DNAAF9: variants seen among roughly 807,000 people sequenced by gnomAD.
DNAAF9 encodes the protein shulin.
DNAAF9 carries 90 observed loss-of-function variants against 167.0 expected under a neutral mutation model. The observed-to-expected ratio is 0.54, with a 90% CI of 0.45 to 0.64. The LOEUF (loss-of-function observed/expected upper bound fraction) is 0.64, where lower values mean the gene tolerates loss of function less well. DNAAF9 is among the 30% of genes least tolerant of loss of function. The pLI is 0.00. For synonymous variants in DNAAF9, 491 were observed against 508.8 expected (o/e 0.96, Z 0.47); for missense variants, 1,315 against 1,442.2 (o/e 0.91, Z 1.43).
intron 9 of DNAAF9, among the ~76,000 whole-genome samples, chr20:3,341,341 TC>T (rs11087579): frequency 0.25 from 37,991 of 151,848 alleles, 5,359 homozygotes; most frequent in African/African-American, 0.37. Flanking sequence ...CTTGACTCCC[TC>T]CCACCCTCCA....
At chr20:3,270,085 C>A (rs1213369092) in intron 30 of DNAAF9, among the ~76,000 whole-genome samples, 1 of 151,244 alleles carries the variant, frequency 6.6e-6, no homozygotes, top group Non-Finnish European at 1.5e-5. Flanking sequence ...CCTCCCACCT[C>A]AGCCACCCAA....
intron 29 of DNAAF9, among the ~76,000 whole-genome samples, chr20:3,278,675 C>T (rs1169551813): frequency 2.0e-5 from 3 of 152,052 alleles, no homozygotes; most frequent in Non-Finnish European, 4.4e-5. Context: ...GCCGAGACCA[C>T]GCTATTGCAC....
chr20:3,356,371 G>C (rs940844773), intron 7 of DNAAF9, among the ~76,000 whole-genome samples: 10 of 152,122 alleles, frequency 6.6e-5, no homozygotes, highest in African/African-American at 1.7e-4. Context: ...AAATAGCTCT[G>C]AAACTATATT....
At chr20:3,313,348 C>T (rs1192035584) in intron 20 of DNAAF9, among the ~76,000 whole-genome samples, 1 of 152,226 alleles carries the variant, frequency 6.6e-6, no homozygotes, top group Non-Finnish European at 1.5e-5. Flanking sequence ...AAAACCAGAA[C>T]TCCTTGTGCT....
At chr20:3,278,216 C>T (rs1031808157) in intron 29 of DNAAF9, among the ~76,000 whole-genome samples, 4 of 152,042 alleles carry the variant, frequency 2.6e-5, no homozygotes, top group Non-Finnish European at 2.9e-5. Flanking sequence ...CAAGGAAATG[C>T]GGAAAATTCC....
intron 22 of DNAAF9, among the ~76,000 whole-genome samples, 196 bp downstream of exon 22, chr20:3,297,833 C>T (rs2069108423): frequency 6.6e-6 from 1 of 152,146 alleles, no homozygotes; most frequent in East Asian, 1.9e-4. Flanking sequence ...TCAGTTTCTT[C>T]CAGCTCTCAC....
chr20:3,340,741 C>T (rs753339549), intron 9 of DNAAF9, 102 bp from the exon 10 acceptor site: 12 of 1,085,172 alleles, frequency 1.1e-5, no homozygotes, highest in Admixed American at 3.8e-5. Flanking sequence ...GGGACACTTG[C>T]GGCCTGAGCA....
rs2068171763 is a variant in DNAAF9, at chr20:3,249,811, G to GA, written c.*2760dup. On this transcript the variant is annotated 3_prime_UTR_variant, in exon 37 of 37. Coordinates refer to ENST00000252032, the MANE Select transcript of DNAAF9 (RefSeq NM_001009984.3). ...GCAAAAATTCTCCAAAATCCTAATA[G>GA]AATTTAGGAGGGAACTTTTTCTTGC... is the stretch of plus-strand genomic sequence containing the variant. 6.6e-6 allele frequency: 1 copy of GA among 152,156 alleles called. No individual in the cohort carries two copies. The highest frequency in any genetic ancestry group is 2.1e-4 in the South Asian group (1 of 4,828). The allele number at this position is 152,156 out of a possible 1,614,324, so 9.4% of individuals were successfully genotyped here.
chr20:3,364,734 C>A (rs1195753775), intron 6 of DNAAF9, among the ~76,000 whole-genome samples: 5 of 152,280 alleles, frequency 3.3e-5, no homozygotes, highest in South Asian at 2.1e-4. Context: ...TACTTTATCA[C>A]TAAAAAATGC....
intron 36 of DNAAF9, among the ~76,000 whole-genome samples, chr20:3,253,073 T>G (rs987018136): frequency 6.6e-6 from 1 of 152,104 alleles, no homozygotes; most frequent in Non-Finnish European, 1.5e-5. Context: ...CCTGCCATAC[T>G]AGCAATTTGG....
intron 2 of DNAAF9, 36 bp from the exon 3 acceptor site, chr20:3,381,534 T>C: frequency 6.3e-7 from 1 of 1,587,664 alleles, no homozygotes; most frequent in Non-Finnish European, 8.5e-7. Context: ...AGCTGTACCA[T>C]ACTACAGGGA....
intron 1 of DNAAF9, among the ~76,000 whole-genome samples, chr20:3,387,692 T>TA (rs901948288): frequency 2.7e-5 from 4 of 149,990 alleles, no homozygotes; most frequent in African/African-American, 4.9e-5. Flanking sequence ...AGCAACAGAG[T>TA]AAAAAGACAA....
chr20:3,345,876 A>G (rs1024484314), intron 8 of DNAAF9, among the ~76,000 whole-genome samples: 1 of 152,102 alleles, frequency 6.6e-6, no homozygotes, highest in African/African-American at 2.4e-5. Flanking sequence ...CGGAGGTTGC[A>G]GTGAGCCGAG....
chr20:3,381,623 T>C, intron 2 of DNAAF9, 125 bp from the exon 3 acceptor site: 2 of 870,240 alleles, frequency 2.3e-6, no homozygotes, highest in Non-Finnish European at 3.3e-6. Flanking sequence ...ACCAGTTTTG[T>C]GCCAGAAACC....
chr20:3,261,084 C>G (rs900140264), intron 31 of DNAAF9, among the ~76,000 whole-genome samples: 2 of 152,166 alleles, frequency 1.3e-5, no homozygotes, highest in African/African-American at 4.8e-5. Context: ...CTCTGTTGCT[C>G]AGGCTGGAGT....
Position 3,294,639 on chromosome 20 carries a change from C to T in DNAAF9, c.2019-10G>A, listed in dbSNP as rs781627700. On this transcript the variant is annotated splice_polypyrimidine_tract_variant and intron_variant, in intron 23 of 36. Coordinates refer to ENST00000252032, the MANE Select transcript of DNAAF9 (RefSeq NM_001009984.3). ...CTGTGCACTGGAGTGCCTGGAATAA[C>T]AAAAGCTCACAGATTAGAAGTCCAT... The T allele has an allele frequency of 1.8e-5, 28 of 1,552,680 alleles. No individual in the cohort carries two copies. Among genetic ancestry groups the T allele is most frequent in the Non-Finnish European group, 2.5e-5 (28 of 1,124,134 alleles).
At chr20:3,383,885 G>A (rs577095278) in intron 1 of DNAAF9, among the ~76,000 whole-genome samples, 1 of 148,414 alleles carries the variant, frequency 6.7e-6, no homozygotes, top group Admixed American at 6.8e-5. Context: ...TGTAACCTCC[G>A]CCTCCTGGGT....
chr20:3,272,627 T>C (rs1339972207), intron 29 of DNAAF9, among the ~76,000 whole-genome samples: 1 of 152,150 alleles, frequency 6.6e-6, no homozygotes, highest in East Asian at 1.9e-4. Context: ...ACTTTATCAA[T>C]CTCCCATTCT....
intron 7 of DNAAF9, among the ~76,000 whole-genome samples, chr20:3,349,978 C>T (rs1045784342): frequency 1.3e-5 from 2 of 152,140 alleles, no homozygotes; most frequent in South Asian, 2.1e-4. Flanking sequence ...GCCAGATCTA[C>T]GCCCTCCTCC....
Sources: gnomAD v4.1 joint callset for allele counts (sites outside exome capture counted in the v4.1 genomes callset) on GRCh38, gnomAD v4.1.1 for gene constraint, MANE v1.5 for transcripts, NCBI Gene and HGNC (gene_info 2026-07-23, HGNC 2026-07-21) for gene names.